PTPRM: variants seen among roughly 807,000 people sequenced by gnomAD.
The protein encoded by PTPRM is protein tyrosine phosphatase receptor type M, also known as receptor-type tyrosine-protein phosphatase mu.
A neutral mutation model predicts 186.7 loss-of-function variants in PTPRM; 47 were observed. The observed-to-expected ratio is 0.25, with a 90% CI of 0.20 to 0.32. PTPRM has a LOEUF of 0.32. PTPRM is among the 10% of genes least tolerant of loss of function. The pLI is 1.00. For missense variants in PTPRM, 1,494 were observed against 1,865.0 expected, an observed-to-expected ratio of 0.80 and a Z score of 3.66; for synonymous variants, 668 against 674.9, an observed-to-expected ratio of 0.99 and a Z score of 0.16.
intron 22 of PTPRM, among the ~76,000 whole-genome samples, chr18:8,342,907 TTC>T (rs5823001): frequency 0.29 from 43,855 of 149,348 alleles, 7,199 homozygotes; most frequent in Middle Eastern, 0.5. Context: ...AACTCTTAAC[TTC>T]TCTCTCTTAC....
At chr18:8,093,755 C>T (rs1401606426) in intron 11 of PTPRM, among the ~76,000 whole-genome samples, 1 of 152,028 alleles carries the variant, frequency 6.6e-6, no homozygotes, top group Non-Finnish European at 1.5e-5. Context: ...ATAAACTTAG[C>T]CATAAAACAA....
At chr18:8,405,513 GAGCAT>G (rs2095900671) in intron 32 of PTPRM, among the ~76,000 whole-genome samples, 1 of 152,206 alleles carries the variant, frequency 6.6e-6, no homozygotes, top group Non-Finnish European at 1.5e-5. Flanking sequence ...GCCGTCCCCT[GAGCAT>G]AGGGACCATT....
At chr18:8,262,896 A>T (rs893118665) in intron 19 of PTPRM, among the ~76,000 whole-genome samples, 2 of 152,192 alleles carry the variant, frequency 1.3e-5, no homozygotes, top group South Asian at 2.1e-4. Flanking sequence ...TTCCTGGGGA[A>T]ATGATAGAGA....
intron 13 of PTPRM, among the ~76,000 whole-genome samples, chr18:8,143,354 A>T (rs2092807393): frequency 6.6e-6 from 1 of 152,140 alleles, no homozygotes; most frequent in Admixed American, 6.5e-5. Context: ...CAATAGAGAT[A>T]ATAAAATAAT....
intron 1 of PTPRM, among the ~76,000 whole-genome samples, chr18:7,578,034 G>C (rs1165626253): frequency 6.6e-6 from 1 of 152,128 alleles, no homozygotes; most frequent in Non-Finnish European, 1.5e-5. Context: ...GGCAGTAGTA[G>C]CCTCTGGTTG....
intron 14 of PTPRM, among the ~76,000 whole-genome samples, chr18:8,193,530 T>C (rs755299444): frequency 6.6e-6 from 1 of 152,230 alleles, no homozygotes; most frequent in Non-Finnish European, 1.5e-5. Flanking sequence ...TGGTCAGCTG[T>C]AATGAACATC....
At chr18:8,373,531 G>T (rs1035436597) in intron 24 of PTPRM, among the ~76,000 whole-genome samples, 1 of 152,208 alleles carries the variant, frequency 6.6e-6, no homozygotes, top group Admixed American at 6.5e-5. Context: ...TATTCTGGGA[G>T]AAACAAAGTT....
chr18:8,194,734 A>C (rs1179549204), intron 14 of PTPRM, among the ~76,000 whole-genome samples: 1 of 152,174 alleles, frequency 6.6e-6, no homozygotes, highest in Non-Finnish European at 1.5e-5. Context: ...GTAGAAATCT[A>C]CTTCTTAATG....
At chr18:8,240,618 G>GGAGAGAGAGAGAGAGA (rs372227037) in intron 14 of PTPRM, among the ~76,000 whole-genome samples, 4 of 34,800 alleles carry the variant, frequency 1.1e-4, no homozygotes, top group African/African-American at 3.3e-4. Flanking sequence ...AGAGAGGGAG[G>GGAGAGAGAGAGAGAGA]GAGAGAGAGA....
chr18:7,609,580 A>G (rs2037622255), intron 1 of PTPRM, among the ~76,000 whole-genome samples: 1 of 147,662 alleles, frequency 6.8e-6, no homozygotes, highest in African/African-American at 2.5e-5. Context: ...ATGGAATCTC[A>G]GTTTAAGAAG....
intron 1 of PTPRM, among the ~76,000 whole-genome samples, chr18:7,575,426 C>T (rs762831755): frequency 6.6e-6 from 1 of 152,198 alleles, no homozygotes; most frequent in Non-Finnish European, 1.5e-5. Flanking sequence ...GTGTGCATCT[C>T]TAAGTCTTTA....
intron 1 of PTPRM, among the ~76,000 whole-genome samples, chr18:7,626,115 A>T (rs1298712467): frequency 6.6e-6 from 1 of 152,236 alleles, no homozygotes. Flanking sequence ...TTTTCCTCTG[A>T]TGACATTCAC....
intron 14 of PTPRM, among the ~76,000 whole-genome samples, chr18:8,144,860 T>C (rs549376194): frequency 9.9e-5 from 15 of 152,196 alleles, no homozygotes; most frequent in Non-Finnish European, 1.0e-4. Flanking sequence ...CTTGTTCTTT[T>C]CTCTATTGTT....
intron 13 of PTPRM, among the ~76,000 whole-genome samples, chr18:8,132,727 G>C (rs1397711410): frequency 6.6e-6 from 1 of 152,156 alleles, no homozygotes; most frequent in Non-Finnish European, 1.5e-5. Flanking sequence ...CTCACTTTGT[G>C]TCTCTCTGAT....
chr18:8,131,219 G>A (rs2145938560), intron 13 of PTPRM, among the ~76,000 whole-genome samples: 1 of 152,326 alleles, frequency 6.6e-6, no homozygotes, highest in South Asian at 2.1e-4. Flanking sequence ...ACACCATGTG[G>A]ATGCTGTGGT....
At chr18:7,635,033 A>G (rs934441273) in intron 1 of PTPRM, among the ~76,000 whole-genome samples, 2 of 152,144 alleles carry the variant, frequency 1.3e-5, no homozygotes, top group African/African-American at 2.4e-5. Flanking sequence ...TTGTCCTACC[A>G]GAAGCTCATA....
At chr18:8,019,978 C>T (rs1013985931) in intron 7 of PTPRM, among the ~76,000 whole-genome samples, 4 of 151,630 alleles carry the variant, frequency 2.6e-5, no homozygotes, top group African/African-American at 9.7e-5. Flanking sequence ...AAAAAGGGGA[C>T]CTTTTTACTT....
intron 1 of PTPRM, among the ~76,000 whole-genome samples, chr18:7,610,201 A>T (rs1203148951): frequency 6.6e-6 from 1 of 151,530 alleles, no homozygotes; most frequent in Non-Finnish European, 1.5e-5. Flanking sequence ...AACTGACAAG[A>T]ACAACTTATT....
chr18:7,667,035 C>T (rs988410044), intron 1 of PTPRM, among the ~76,000 whole-genome samples: 1 of 152,116 alleles, frequency 6.6e-6, no homozygotes, highest in African/African-American at 2.4e-5. Flanking sequence ...CCAACTCTGC[C>T]CAGCTGAGAG....
Sources: gnomAD v4.1 joint callset for allele counts (sites outside exome capture counted in the v4.1 genomes callset) on GRCh38, gnomAD v4.1.1 for gene constraint, MANE v1.5 for transcripts, NCBI Gene and HGNC (gene_info 2026-07-23, HGNC 2026-07-21) for gene names.